CSMD1: variants seen among roughly 807,000 people sequenced by gnomAD.
CSMD1 encodes the protein CUB and Sushi multiple domains 1.
Under a neutral mutation model 417.5 loss-of-function variants are expected in CSMD1, and 213 were observed. The observed-to-expected ratio is 0.51, with a 90% CI of 0.46 to 0.57. CSMD1 has a LOEUF of 0.57. Ranked by LOEUF, CSMD1 falls within the 20% of genes least tolerant of loss-of-function variation. CSMD1 has a pLI of 0.00. For missense variants in CSMD1, 6,923 were observed against 4,529.7 expected (o/e 1.53, Z -15.17); for synonymous variants, 2,862 against 1,736.8 (o/e 1.65, Z -16.11).
Position 3,125,378 on chromosome 8 carries a change from C to T in CSMD1, c.6242-6791G>A, listed in dbSNP as rs142555603. 1.2e-3 allele frequency among the ~76,000 whole-genome samples: 181 copies of T among 152,304 alleles called. No homozygotes were observed. The Middle Eastern group carries it at 0.014, about 11-fold the overall frequency. On this transcript the variant is annotated intron_variant, in intron 41 of 69. Transcript: ENST00000635120. Reference sequence around the variant, plus strand: ...TGTCAGAACCCTCATCACGCATGGCCTTCTTGCTCTGTACCCATCATAAAA... The same window carrying T: ...TGTCAGAACCCTCATCACGCATGGCTTTCTTGCTCTGTACCCATCATAAAA...
At position 4,058,122 on chromosome 8, in the gene CSMD1, G is replaced by A. The variant is rs182789509; in HGVS notation, c.416-26023C>T. On this transcript the variant is annotated intron_variant, in intron 3 of 69. Transcript: ENST00000635120. ...GGCATTGAATCTATAAATTACCTTG[G>A]GCAGCATGGCCATTTTCACGATATT... Among the ~76,000 whole-genome samples the A allele has an allele frequency of 4.6e-4, 70 of 152,172 alleles. No homozygotes were observed. The East Asian group carries it at 7.4e-3, about 16-fold the overall frequency.
chr8:3,359,080 C>T, intron 21 of CSMD1, 72 bp downstream of exon 21: 2 of 1,481,174 alleles, frequency 1.4e-6, no homozygotes, highest in Non-Finnish European at 9.4e-7. Context: ...CGACCCCGAC[C>T]ACCCTAGGCT....
At chr8:3,858,024 C>A (rs1423700478) in intron 5 of CSMD1, among the ~76,000 whole-genome samples, 1 of 152,132 alleles carries the variant, frequency 6.6e-6, no homozygotes. Context: ...CACATGTGTT[C>A]TTGGAAAAAT....
At chr8:4,195,308 G>T (rs1352931430) in intron 3 of CSMD1, among the ~76,000 whole-genome samples, 3 of 152,046 alleles carry the variant, frequency 2.0e-5, no homozygotes, top group African/African-American at 7.3e-5. Context: ...ATATTAATAG[G>T]CAGAAAAGGC....
chr8:4,037,115 T>C (rs1043569697), intron 3 of CSMD1, among the ~76,000 whole-genome samples: 8 of 152,250 alleles, frequency 5.3e-5, no homozygotes, highest in Non-Finnish European at 1.2e-4. Flanking sequence ...ATTATTTTAC[T>C]TGTTTTTATT....
At chr8:3,790,748 G>A (rs1174799291) in intron 5 of CSMD1, among the ~76,000 whole-genome samples, 2 of 152,068 alleles carry the variant, frequency 1.3e-5, no homozygotes, top group East Asian at 1.9e-4. Flanking sequence ...CAAAGATAAC[G>A]ACCTTCAGAA....
At chr8:4,699,739 T>C (rs1584961805) in intron 1 of CSMD1, among the ~76,000 whole-genome samples, 3 of 152,336 alleles carry the variant, frequency 2.0e-5, no homozygotes, top group Admixed American at 2.0e-4. Context: ...TCTACTGTGA[T>C]TCATGGAAAG....
chr8:3,587,933 G>A (rs1205913087), intron 8 of CSMD1, among the ~76,000 whole-genome samples: 3 of 151,830 alleles, frequency 2.0e-5, no homozygotes, highest in African/African-American at 4.8e-5. Context: ...TTTGAAATGT[G>A]AAAAATACAA....
intron 10 of CSMD1, among the ~76,000 whole-genome samples, chr8:3,516,789 G>T (rs963527575): frequency 6.6e-6 from 1 of 152,086 alleles, no homozygotes; most frequent in Non-Finnish European, 1.5e-5. Context: ...ACTAAAAGTA[G>T]AACTACCATT....
chr8:4,461,550 G>A (rs1368847554), intron 2 of CSMD1, among the ~76,000 whole-genome samples: 1 of 146,492 alleles, frequency 6.8e-6, no homozygotes, highest in African/African-American at 2.6e-5. Flanking sequence ...TTTTTTTTTG[G>A]TGGGTGGGGG....
intron 17 of CSMD1, among the ~76,000 whole-genome samples, chr8:3,387,919 A>C (rs1811111499): frequency 6.6e-6 from 1 of 152,220 alleles, no homozygotes; most frequent in Non-Finnish European, 1.5e-5. Flanking sequence ...TACATACAAC[A>C]ACCTTGAATA....
intron 1 of CSMD1, among the ~76,000 whole-genome samples, chr8:4,974,229 T>C (rs1810415169): frequency 6.6e-6 from 1 of 151,930 alleles, no homozygotes; most frequent in Admixed American, 6.6e-5. Context: ...TTTCACCATG[T>C]TGGCCAGGCT....
intron 3 of CSMD1, among the ~76,000 whole-genome samples, chr8:4,222,059 C>G (rs1482978348): frequency 6.6e-6 from 1 of 150,798 alleles, no homozygotes; most frequent in Non-Finnish European, 1.5e-5. Context: ...CATCAAAGGC[C>G]ATCAATGACT....
At chr8:3,565,454 C>T (rs753287123) in intron 10 of CSMD1, among the ~76,000 whole-genome samples, 4 of 152,168 alleles carry the variant, frequency 2.6e-5, no homozygotes, top group African/African-American at 4.8e-5. Flanking sequence ...ATCCGTGAAT[C>T]GCCTCCTTAA....
intron 1 of CSMD1, among the ~76,000 whole-genome samples, chr8:4,853,816 C>T (rs966759695): frequency 6.6e-6 from 1 of 152,146 alleles, no homozygotes; most frequent in Non-Finnish European, 1.5e-5. Context: ...TGGACCTGAC[C>T]AAAGCCTTGG....
At chr8:3,514,284 G>C (rs1442956315) in intron 10 of CSMD1, among the ~76,000 whole-genome samples, 2 of 152,146 alleles carry the variant, frequency 1.3e-5, no homozygotes, top group African/African-American at 2.4e-5. Context: ...GTGCAACATA[G>C]AGACGTCCTC....
At chr8:3,184,438 G>A (rs1419684110) in intron 36 of CSMD1, among the ~76,000 whole-genome samples, 3 of 152,114 alleles carry the variant, frequency 2.0e-5, no homozygotes, top group African/African-American at 4.8e-5. Context: ...CAGACCAACG[G>A]TGCCATGCAA....
chr8:4,421,438 A>G (rs972113713), intron 2 of CSMD1, among the ~76,000 whole-genome samples: 1 of 152,074 alleles, frequency 6.6e-6, no homozygotes, highest in Non-Finnish European at 1.5e-5. Flanking sequence ...CGAGGCCATA[A>G]AACAAACCTC....
intron 10 of CSMD1, among the ~76,000 whole-genome samples, chr8:3,505,238 C>G (rs555552506): frequency 2.0e-5 from 3 of 151,978 alleles, no homozygotes; most frequent in African/African-American, 4.8e-5. Context: ...ATAGAATAAA[C>G]CAGAACACTG....
Sources: gnomAD v4.1 joint callset for allele counts (sites outside exome capture counted in the v4.1 genomes callset) on GRCh38, gnomAD v4.1.1 for gene constraint, MANE v1.5 for transcripts, NCBI Gene and HGNC (gene_info 2026-07-23, HGNC 2026-07-21) for gene names.